Variants in SDCCAG8 observed in about 807,000 individuals in gnomAD.
SDCCAG8 encodes SHH signaling and ciliogenesis regulator SDCCAG8.
Under a neutral mutation model 101.8 loss-of-function variants are expected in SDCCAG8, and 74 were observed. The ratio of observed to expected loss-of-function variants is 0.73; its 90% CI spans 0.60 to 0.88. The LOEUF is 0.88. SDCCAG8 is among the 40% of genes least tolerant of loss of function. SDCCAG8 has a pLI of 0.00. For synonymous variants in SDCCAG8, 281 were observed against 292.9 expected, an observed-to-expected ratio of 0.96 and a Z score of 0.41; for missense variants, 787 against 822.6, an observed-to-expected ratio of 0.96 and a Z score of 0.53.
intron 4 of SDCCAG8, among the ~76,000 whole-genome samples, chr1:243,277,196 G>C (rs1476782609): frequency 1.3e-5 from 2 of 152,168 alleles, no homozygotes; most frequent in Non-Finnish European, 2.9e-5. Flanking sequence ...CATATGGTAA[G>C]ACTAATTTTA....
intron 16 of SDCCAG8, chr1:243,488,487 G>A (rs1665547684): frequency 1.1e-5 from 2 of 185,592 alleles, no homozygotes; most frequent in Non-Finnish European, 2.3e-5. Context: ...GAGTGAATTA[G>A]CAAGTCTGGA....
intron 13 of SDCCAG8, among the ~76,000 whole-genome samples, chr1:243,388,389 TG>T (rs34305219): frequency 3.3e-5 from 5 of 152,178 alleles, no homozygotes; most frequent in Admixed American, 1.3e-4. Context: ...GGATCACCCT[TG>T]GGCACACACA....
At chr1:243,332,551 G>A (rs536546034) in intron 10 of SDCCAG8, among the ~76,000 whole-genome samples, 1 of 151,146 alleles carries the variant, frequency 6.6e-6, no homozygotes, top group African/African-American at 2.4e-5. Context: ...TGATTATCAC[G>A]GTCCCGGTCT....
intron 13 of SDCCAG8, among the ~76,000 whole-genome samples, chr1:243,385,407 G>T (rs2078214897): frequency 6.6e-6 from 1 of 152,046 alleles, no homozygotes; most frequent in African/African-American, 2.4e-5. Context: ...AAAGAAAAAA[G>T]TAAGAAAAAG....
intron 16 of SDCCAG8, among the ~76,000 whole-genome samples, chr1:243,440,120 C>G (rs2082430847): frequency 6.6e-6 from 1 of 152,180 alleles, no homozygotes; most frequent in Admixed American, 6.5e-5. Context: ...GTGCAAGTTA[C>G]TTCACCCCTG....
At position 243,474,478 on chromosome 1, in the gene SDCCAG8, C is replaced by G. The variant is rs867863636; in HGVS notation, c.1986-14536C>G. ...CGAGCCCGGGCCTAGTATCCAGAGT[C>G]GAAGCAGCCGCCGGGAGGTCTGGGT... On this transcript the variant is annotated intron_variant, in intron 16 of 17. Coordinates refer to ENST00000366541, the MANE Select transcript of SDCCAG8 (RefSeq NM_006642.5). This position sits in a 1 kb window ranked among gnomAD's most constrained non-coding sequence, Gnocchi z 4.7. Among the ~76,000 whole-genome samples, 76 of 152,252 alleles carry G rather than the reference C, an allele frequency of 5.0e-4. No individual in the cohort carries two copies. In the Middle Eastern group the frequency reaches 0.01, roughly 21 times the overall value.
intron 16 of SDCCAG8, among the ~76,000 whole-genome samples, chr1:243,438,330 GC>G (rs915001342): frequency 1.3e-5 from 2 of 152,152 alleles, no homozygotes; most frequent in African/African-American, 4.8e-5. Flanking sequence ...TTTTACAGTG[GC>G]CATTTCCCCT....
intron 1 of SDCCAG8, among the ~76,000 whole-genome samples, chr1:243,266,289 C>G (rs1415308316): frequency 6.6e-6 from 1 of 151,478 alleles, no homozygotes; most frequent in African/African-American, 2.4e-5. Flanking sequence ...ATTTTGTACC[C>G]TTTGACCATC....
At chr1:243,321,707 T>A (rs2073772079) in intron 9 of SDCCAG8, among the ~76,000 whole-genome samples, 1 of 152,196 alleles carries the variant, frequency 6.6e-6, no homozygotes, top group South Asian at 2.1e-4. Context: ...TGGAGTGCAG[T>A]GGTGTGATCT....
chr1:243,419,471 G>A (rs2080838210), intron 15 of SDCCAG8, among the ~76,000 whole-genome samples: 1 of 152,162 alleles, frequency 6.6e-6, no homozygotes, highest in African/African-American at 2.4e-5. Flanking sequence ...TTATATAAAT[G>A]TATTAGGTCT....
intron 16 of SDCCAG8, among the ~76,000 whole-genome samples, chr1:243,450,859 A>G (rs2083301072): frequency 1.3e-5 from 2 of 152,126 alleles, no homozygotes; most frequent in Admixed American, 6.5e-5. Context: ...GGGTTTCACC[A>G]TGTTGGCCAG....
At chr1:243,466,108 G>T (rs765022726) in intron 16 of SDCCAG8, among the ~76,000 whole-genome samples, 8 of 152,156 alleles carry the variant, frequency 5.3e-5, no homozygotes, top group Non-Finnish European at 1.0e-4. Context: ...TATTCAACTG[G>T]CAAAGCAAAG....
In SDCCAG8 at chr1:243,285,711, AT is replaced by A. The variant is rs1289126555; in HGVS notation, c.421-559del. Among the ~76,000 whole-genome samples the A allele has an allele frequency of 1.1e-4, 17 of 152,266 alleles. No homozygotes were observed. In the East Asian group the frequency reaches 3.3e-3, roughly 29 times the overall value. Reference sequence around the variant, plus strand: ...TCTTATGTTACATCCTGTAATTTTAATTGTTATTGATTTGTAATTCTTTATA... The same window carrying A: ...TCTTATGTTACATCCTGTAATTTTAATGTTATTGATTTGTAATTCTTTATA... On this transcript the variant is annotated intron_variant, in intron 4 of 17. Coordinates refer to ENST00000366541, the MANE Select transcript of SDCCAG8 (RefSeq NM_006642.5).
At chr1:243,326,860 A>T (rs1256747029) in intron 9 of SDCCAG8, among the ~76,000 whole-genome samples, 1 of 152,214 alleles carries the variant, frequency 6.6e-6, no homozygotes, top group Non-Finnish European at 1.5e-5. Flanking sequence ...AGTTGACTAG[A>T]TATAAATTTT....
intron 16 of SDCCAG8, among the ~76,000 whole-genome samples, chr1:243,454,953 A>G (rs2148138877): frequency 6.6e-6 from 1 of 152,322 alleles, no homozygotes; most frequent in Non-Finnish European, 1.5e-5. Context: ...ACTGCTTGAC[A>G]AAATGAATAG....
chr1:243,286,086 T>TAC (rs2069588144), intron 4 of SDCCAG8, among the ~76,000 whole-genome samples, 186 bp from the exon 5 acceptor site: 1 of 152,258 alleles, frequency 6.6e-6, no homozygotes. Context: ...CATTACTATA[T>TAC]ACCCCAGCCT....
intron 10 of SDCCAG8, among the ~76,000 whole-genome samples, chr1:243,337,833 T>C (rs1176273869): frequency 6.6e-6 from 1 of 152,210 alleles, no homozygotes; most frequent in East Asian, 1.9e-4. Context: ...CTTTTACTTA[T>C]TAGTTTGAAT....
chr1:243,421,953 G>C (rs1344799083), intron 15 of SDCCAG8, among the ~76,000 whole-genome samples: 1 of 152,160 alleles, frequency 6.6e-6, no homozygotes, highest in Non-Finnish European at 1.5e-5. Flanking sequence ...GCAGTAAAAC[G>C]TTGCAGTGCG....
intron 16 of SDCCAG8, among the ~76,000 whole-genome samples, chr1:243,445,531 G>T (rs6665625): frequency 6.6e-6 from 1 of 152,102 alleles, no homozygotes; most frequent in African/African-American, 2.4e-5. Context: ...CCAGAAGTTG[G>T]ATGGTTAATT....
Sources: gnomAD v4.1 joint callset for allele counts (sites outside exome capture counted in the v4.1 genomes callset) on GRCh38, gnomAD v4.1.1 for gene constraint, Gnocchi (gnomAD v3.1) non-coding constraint, MANE v1.5 for transcripts, NCBI Gene and HGNC (gene_info 2026-07-23, HGNC 2026-07-21) for gene names.